PNPLA7: variants seen among roughly 807,000 people sequenced by gnomAD.
The protein encoded by PNPLA7 is patatin like domain 7, lysophospholipase.
A neutral mutation model predicts 161.7 loss-of-function variants in PNPLA7; 153 were observed. That is an observed-to-expected ratio of 0.95 (90% confidence interval 0.83 to 1.08). PNPLA7 has a LOEUF of 1.08. PNPLA7 is among the 50% of genes least tolerant of loss of function. The probability of loss-of-function intolerance (pLI) is 0.00; values close to 1 mark genes in which losing one functional copy is unlikely to be tolerated. For missense variants in PNPLA7, 1,739 were observed against 1,856.6 expected, an observed-to-expected ratio of 0.94 and a Z score of 1.16; for synonymous variants, 809 against 782.1, an observed-to-expected ratio of 1.03 and a Z score of -0.57.
rs1218924055 is a variant in PNPLA7 at position 137,500,249 on chromosome 9, A to G, written c.1757+442T>C. 6.6e-6 allele frequency among the ~76,000 whole-genome samples: 1 copy of G among 152,164 alleles called. No individual in the cohort carries two copies. Among genetic ancestry groups the G allele is most frequent in the Non-Finnish European group, 1.5e-5 (1 of 68,032 alleles). ...CCGAGCCAGAGACGCGTCCTCACCC[A>G]CTGCCTTGCCCTTCCACCTCCGCAT... On this transcript the variant is annotated intron_variant, in intron 16 of 34. Coordinates refer to ENST00000406427, the MANE Select transcript of PNPLA7 (RefSeq NM_001098537.3). The surrounding 1 kb of genome is among the most constrained non-coding windows in gnomAD (Gnocchi z 5.5).
At chr9:137,484,796 A>T in intron 20 of PNPLA7, 60 bp from the exon 21 acceptor site, 1 of 1,506,556 alleles carries the variant, frequency 6.6e-7, no homozygotes, top group African/African-American at 1.4e-5. Context: ...ATGCCTCCAG[A>T]TGCCCTGGGG....
Position 137,543,721 on chromosome 9 carries a change from T to C in PNPLA7, c.365+3A>G, listed in dbSNP as rs780224367. 12 of 1,613,878 alleles carry C rather than the reference T, an allele frequency of 7.4e-6. No individual in the cohort carries two copies. In the Middle Eastern group the frequency reaches 1.2e-3, roughly 155 times the overall value. ...AGGATGTGGTCTGAAGGACACACAG[T>C]ACCTCTTGGCCAAAGACAGCACCTT... On this transcript the variant is annotated splice_donor_region_variant and intron_variant, in intron 5 of 34. Coordinates refer to ENST00000406427, the MANE Select transcript of PNPLA7 (RefSeq NM_001098537.3). The surrounding 1 kb of genome is among the most constrained non-coding windows in gnomAD (Gnocchi z 6.9).
chr9:137,480,009 A>G, intron 23 of PNPLA7: 2 of 734,800 alleles, frequency 2.7e-6, no homozygotes, highest in South Asian at 6.2e-5. Context: ...AAAATAGGGC[A>G]CCGTTTACGT....
At chr9:137,461,874 C>T in intron 32 of PNPLA7, 57 bp downstream of exon 32, 2 of 1,479,834 alleles carry the variant, frequency 1.4e-6, no homozygotes, top group African/African-American at 1.4e-5. Flanking sequence ...GTGGGCGTGG[C>T]CCGAAGAACT....
intron 14 of PNPLA7, 140 bp from the exon 15 acceptor site, chr9:137,501,867 CCAA>C: frequency 1.2e-6 from 1 of 809,600 alleles, no homozygotes; most frequent in East Asian, 2.7e-5. Context: ...AGGCTGTCCT[CCAA>C]CAAGGGCCTG....
chr9:137,475,692 T>C (rs546065846), intron 25 of PNPLA7, among the ~76,000 whole-genome samples: 3 of 147,394 alleles, frequency 2.0e-5, no homozygotes, highest in Admixed American at 6.8e-5. Flanking sequence ...GTTTTTTTTT[T>C]AAAAAAAAAG....
At chr9:137,464,719 G>A (rs1048753682) in intron 26 of PNPLA7, 5 of 486,020 alleles carry the variant, frequency 1.0e-5, no homozygotes, top group Admixed American at 3.5e-5. Flanking sequence ...CCCTACCCTC[G>A]CAGGCTCTGC....
intron 16 of PNPLA7, among the ~76,000 whole-genome samples, chr9:137,498,784 A>T (rs959405267): frequency 4.6e-5 from 7 of 152,128 alleles, no homozygotes; most frequent in Admixed American, 4.6e-4. Flanking sequence ...TGCAGCAGGG[A>T]CGTGCCCAGG....
chr9:137,480,730 C>T (rs1176410556), intron 22 of PNPLA7: 4 of 722,840 alleles, frequency 5.5e-6, no homozygotes, highest in Non-Finnish European at 9.0e-6. Context: ...CCCGGGGCTG[C>T]CCAGGCGGGA....
chr9:137,478,017 G>A lies in PNPLA7; in HGVS notation c.2882+17C>T. ...ACACACACCAGTGAGGAGTGTGTAG[G>A]AAGCGGGGGGACTCACCTTGCTCCC... On this transcript the variant is annotated intron_variant, in intron 25 of 34. Coordinates refer to ENST00000406427, the MANE Select transcript of PNPLA7 (RefSeq NM_001098537.3). The A allele has an allele frequency of 7.1e-7, 1 of 1,404,586 alleles. No individual in the cohort carries two copies. Among genetic ancestry groups the A allele is most frequent in the Non-Finnish European group, 9.3e-7 (1 of 1,073,536 alleles). 87.0% of individuals were successfully genotyped at this position (1,404,586 alleles called of 1,614,324 possible).
At chr9:137,527,336 C>T (rs368465751) in intron 8 of PNPLA7, among the ~76,000 whole-genome samples, 1 of 151,750 alleles carries the variant, frequency 6.6e-6, no homozygotes, top group African/African-American at 2.4e-5. Flanking sequence ...GGCTTGTTCG[C>T]AATCTTCAAG....
At chr9:137,549,078 G>A (rs1414403212) in intron 1 of PNPLA7, among the ~76,000 whole-genome samples, 1 of 152,256 alleles carries the variant, frequency 6.6e-6, no homozygotes, top group African/African-American at 2.4e-5. Flanking sequence ...AGGCTCTCCT[G>A]CGGTGGAGCG....
chr9:137,480,305 T>C lies in PNPLA7; in HGVS notation c.2580+7A>G, dbSNP rs1263436831. On this transcript the variant is annotated splice_region_variant and intron_variant, in intron 23 of 34. Transcript: ENST00000406427. ...TCCCCAGCTCCACCGGCCCTCCCCG[T>C]GCTCACCTCGCCCACTGTGGGCTCC... is the stretch of plus-strand genomic sequence containing the variant. The C allele has an allele frequency of 6.2e-7, 1 of 1,610,858 alleles. No individual in the cohort carries two copies.
chr9:137,485,154 A>G (rs1832410902), intron 20 of PNPLA7, among the ~76,000 whole-genome samples: 1 of 152,236 alleles, frequency 6.6e-6, no homozygotes, highest in Non-Finnish European at 1.5e-5. Context: ...AAGCGTCCCC[A>G]GGCCCCACAC....
chr9:137,515,604 AG>A, intron 11 of PNPLA7, 85 bp from the exon 12 acceptor site: 1 of 1,432,212 alleles, frequency 7.0e-7, no homozygotes, highest in Non-Finnish European at 9.2e-7. Context: ...CGCAGGGAGC[AG>A]GGTCCCCACA....
chr9:137,464,131 G>C lies in PNPLA7; in HGVS notation c.3221C>G (p.Thr1074Ser). 1 of 1,613,546 alleles carries C rather than the reference G, an allele frequency of 6.2e-7. No homozygotes were observed. The highest frequency in any genetic ancestry group is 8.5e-7 in the Non-Finnish European group (1 of 1,179,910). ...DITASAMRVH[T>S]DGSLWWYVRA... ...TGCGCAGCAGGAGTGCTCACCGTCG[G>C]TGTGGACCCGCATGGCCGAGGCTGT... Residue 1074 changes from threonine (T) to serine (S), a missense_variant, in exon 28 of 35, where the codon ACC (threonine) becomes AGC (serine). Physicochemically the swap from Thr to Ser is moderately conservative, Grantham distance 58. Around this residue, in one of 6 missense-constraint regions of PNPLA7, gnomAD observed 703 missense variants for 694.6 expected, o/e 1.01. Transcript: ENST00000406427.
At position 137,483,274 on chromosome 9, in the gene PNPLA7, C is replaced by G. The variant is rs371031787; in HGVS notation, c.2347+1313G>C. Among the ~76,000 whole-genome samples, 10 of 152,224 alleles carry G rather than the reference C, an allele frequency of 6.6e-5. 1 individual carries two copies. The East Asian group carries it at 1.2e-3, about 18-fold the overall frequency. On this transcript the variant is annotated intron_variant, in intron 21 of 34. Transcript: ENST00000406427. ...GGGAACTAGTTTATGTGACGCGGGA[C>G]AGCTCCACCGTACAACTCGAAGATG...
In PNPLA7 at chr9:137,542,719, C is replaced by A. The variant is rs200310224; in HGVS notation, c.589G>T (p.Val197Phe). Residue 197 changes from valine (V) to phenylalanine (F), a missense_variant, in exon 7 of 35, where the codon GTC (valine) becomes TTC (phenylalanine). Transcript: ENST00000406427. ...VFVQLQEGEH[V>F]FQPREPDPSI... Reference sequence around the variant, plus strand: ...GGGTCCGGCTCCCTGGGCTGGAAGACGTGCTCCCCTTCCTGCAGCTGCACA... The same window carrying A: ...GGGTCCGGCTCCCTGGGCTGGAAGAAGTGCTCCCCTTCCTGCAGCTGCACA... The A allele has an allele frequency of 2.5e-6, 4 of 1,613,644 alleles. No homozygotes were observed. Among genetic ancestry groups the A allele is most frequent in the Non-Finnish European group, 3.4e-6 (4 of 1,180,038 alleles).
At chr9:137,521,178 C>T (rs1834972119) in intron 10 of PNPLA7, among the ~76,000 whole-genome samples, 1 of 152,134 alleles carries the variant, frequency 6.6e-6, no homozygotes, top group Non-Finnish European at 1.5e-5. Flanking sequence ...GCTGTCAGCT[C>T]AGTGTGCAGC....
Sources: allele counts gnomAD v4.1 joint callset (sites outside exome capture counted in the v4.1 genomes callset), GRCh38; gene constraint gnomAD v4.1.1; regional missense constraint gnomAD v4.1.1; non-coding constraint Gnocchi (gnomAD v3.1); transcripts MANE v1.5; gene names NCBI Gene and HGNC (gene_info 2026-07-23, HGNC 2026-07-21).